KLHL36: variants seen among roughly 807,000 people sequenced by gnomAD.
KLHL36 encodes kelch like family member 36.
KLHL36 carries 35 observed loss-of-function variants against 53.3 expected under a neutral mutation model. The observed-to-expected ratio is 0.66, with a 90% CI of 0.50 to 0.87. The LOEUF is 0.87. Among genes scored for constraint, KLHL36 ranks in the 40% least tolerant of loss-of-function variants. The pLI is 0.00. For synonymous variants in KLHL36, 472 were observed against 398.9 expected, an observed-to-expected ratio of 1.18 and a Z score of -2.18; for missense variants, 864 against 897.6, an observed-to-expected ratio of 0.96 and a Z score of 0.48.
intron 3 of KLHL36, chr16:84,658,302 T>A (rs1907344947): frequency 5.3e-6 from 1 of 188,774 alleles, no homozygotes; most frequent in African/African-American, 2.3e-5. Flanking sequence ...CAATTTTATT[T>A]CACTTTAACC....
At chr16:84,651,220 G>A (rs1035555372) in intron 2 of KLHL36, among the ~76,000 whole-genome samples, 8 of 152,300 alleles carry the variant, frequency 5.3e-5, no homozygotes, top group African/African-American at 1.9e-4. Context: ...CCAAGGAGGT[G>A]GATGGGACAG....
chr16:84,649,724 A>G (rs1906721696), intron 1 of KLHL36, among the ~76,000 whole-genome samples: 1 of 152,200 alleles, frequency 6.6e-6, no homozygotes, highest in African/African-American at 2.4e-5. Context: ...CCATGGGAAC[A>G]CTGGAGTGCC....
At position 84,666,795 on chromosome 16, in the gene KLHL36, G is replaced by T. The variant is rs1065263; in HGVS notation, c.*4662G>T. ...AAGAAATTGTCCTTTGGGGCCGGGC[G>T]CAGTGGCTCACGCCTGTACTCCCAG... On this transcript the variant is annotated 3_prime_UTR_variant, in exon 5 of 5. Transcript: ENST00000564996. 18,455 of 152,104 alleles carry T rather than the reference G, an allele frequency of 0.12. 1,453 individuals carry two copies. Among genetic ancestry groups the T allele is most frequent in the East Asian group, 0.34 (1,733 of 5,164 alleles). The allele number at this position is 152,104 out of a possible 1,614,324, so 9.4% of individuals were successfully genotyped here.
rs1876493165 is a variant in KLHL36 at position 84,661,211 on chromosome 16, T to C, written c.1296-367T>C. Among the ~76,000 whole-genome samples the C allele has an allele frequency of 6.6e-6, 1 of 152,230 alleles. No homozygotes were observed. The highest frequency in any genetic ancestry group is 2.4e-5 in the African/African-American group (1 of 41,454). ...TGGACTGTATGTCGTATTTCCTCTTTGATGTGTGATTCATCGGGTGCATGT... is the reference window on the plus strand; with the variant it reads ...TGGACTGTATGTCGTATTTCCTCTTCGATGTGTGATTCATCGGGTGCATGT... On this transcript the variant is annotated intron_variant, in intron 4 of 4. Coordinates refer to ENST00000564996, the MANE Select transcript of KLHL36 (RefSeq NM_024731.4). This position sits in a 1 kb window ranked among gnomAD's most constrained non-coding sequence, Gnocchi z 7.9.
At position 84,661,750 on chromosome 16, in the gene KLHL36, A is replaced by G. The variant is rs758279823; in HGVS notation, c.1468A>G (p.Ser490Gly). The change falls in exon 5 of 5, where the codon AGC (serine) becomes GGC (glycine). Residue 490 changes from serine (S) to glycine (G), a missense_variant. By Grantham distance (56) the Ser-to-Gly change is moderately conservative (BLOSUM62 0). Transcript: ENST00000564996. This position sits in a 1 kb window ranked among gnomAD's most constrained non-coding sequence, Gnocchi z 7.9. ...TTARGWHSMC[S>G]LGDSIYSIGG... is the part of the protein sequence containing the mutation. Reference sequence around the variant, plus strand: ...GGCGCGCGGCTGGCACAGCATGTGCAGCCTGGGTGACAGCATCTACTCCAT... The same window carrying G: ...GGCGCGCGGCTGGCACAGCATGTGCGGCCTGGGTGACAGCATCTACTCCAT... 7.4e-6 allele frequency: 12 copies of G among 1,613,310 alleles called. No homozygotes were observed. The highest frequency in any genetic ancestry group is 9.3e-6 in the Non-Finnish European group (11 of 1,179,898).
chr16:84,656,827 C>A lies in KLHL36; in HGVS notation c.64-44C>A, dbSNP rs769900968. 2.0e-6 allele frequency: 3 copies of A among 1,489,944 alleles called. No individual in the cohort carries two copies. In the South Asian group the frequency reaches 3.7e-5, roughly 18 times the overall value. 92.3% of individuals were successfully genotyped at this position (1,489,944 alleles called of 1,614,324 possible). On this transcript the variant is annotated intron_variant, in intron 2 of 4. Transcript: ENST00000564996. Reference sequence around the variant, plus strand: ...AGGACCCACTGGGTTGGACCAGGGCCGAGCAGGCTGCTGCGCCGTTTCTAA... The same window carrying A: ...AGGACCCACTGGGTTGGACCAGGGCAGAGCAGGCTGCTGCGCCGTTTCTAA...
intron 2 of KLHL36, among the ~76,000 whole-genome samples, chr16:84,654,539 C>G (rs1907088739): frequency 6.6e-6 from 1 of 152,228 alleles, no homozygotes; most frequent in Non-Finnish European, 1.5e-5. Flanking sequence ...GTAGTCCCAG[C>G]TGCCAAGGAA....
rs558940373 is a variant in KLHL36, at chr16:84,656,891, C to T, written c.84C>T (p.His28=). 1.2e-6 allele frequency: 2 copies of T among 1,611,244 alleles called. No homozygotes were observed. The highest frequency in any genetic ancestry group is 1.7e-5 in the Admixed American group (1 of 59,982). ...ESSKVYRWAD[H]SSTVLQRLNE... is the part of the protein sequence containing the mutation. Reference sequence around the variant, plus strand: ...TCCAGGTATACCGCTGGGCCGACCACTCAAGCACGGTGCTGCAGCGGCTGA... The same window carrying T: ...TCCAGGTATACCGCTGGGCCGACCATTCAAGCACGGTGCTGCAGCGGCTGA... Residue 28 remains histidine (H), a synonymous_variant, in exon 3 of 5, where the codon CAC becomes CAT. Coordinates refer to ENST00000564996, the MANE Select transcript of KLHL36 (RefSeq NM_024731.4).
At chr16:84,649,662 T>C (rs1448836151) in intron 1 of KLHL36, among the ~76,000 whole-genome samples, 1 of 152,232 alleles carries the variant, frequency 6.6e-6, no homozygotes, top group Non-Finnish European at 1.5e-5. Context: ...CAGTTGCCCC[T>C]TCTCTCCCTA....
chr16:84,660,189 G>A (rs1419316578), intron 4 of KLHL36, among the ~76,000 whole-genome samples: 1 of 152,266 alleles, frequency 6.6e-6, no homozygotes. Flanking sequence ...GCTTCAGAGG[G>A]TGAGGCCTGA....
intron 2 of KLHL36, among the ~76,000 whole-genome samples, chr16:84,654,258 A>G (rs1242214579): frequency 6.6e-6 from 1 of 152,184 alleles, no homozygotes; most frequent in Non-Finnish European, 1.5e-5. Context: ...TGACTTGATC[A>G]CCGCCACTGT....
rs777399184 is a variant in KLHL36 at position 84,657,727 on chromosome 16, G to A, written c.920G>A (p.Arg307Gln). The part of the protein sequence containing the change: ...LLFVGGEVSE[R>Q]CLELSDDTCY... Reference sequence around the variant, plus strand: ...TTTGTGGGCGGCGAGGTCTCCGAGCGGTGTCTGGAGCTCAGTGACGACACC... The same window carrying A: ...TTTGTGGGCGGCGAGGTCTCCGAGCAGTGTCTGGAGCTCAGTGACGACACC... The change falls in exon 3 of 5, where the codon CGG (arginine) becomes CAG (glutamine). Residue 307 changes from arginine to glutamine, a missense_variant. By Grantham distance (43) the Arg-to-Gln change is conservative (BLOSUM62 1). Coordinates refer to ENST00000564996, the MANE Select transcript of KLHL36 (RefSeq NM_024731.4). 4.5e-5 allele frequency: 73 copies of A among 1,612,284 alleles called. 2 individuals carry two copies. Among genetic ancestry groups the A allele is most frequent in the Admixed American group, 2.3e-4 (14 of 59,902 alleles).
At chr16:84,653,263 C>T (rs1272525164) in intron 2 of KLHL36, among the ~76,000 whole-genome samples, 12 of 152,030 alleles carry the variant, frequency 7.9e-5, no homozygotes, top group Admixed American at 5.9e-4. Context: ...TCTTTTTCCA[C>T]GTCTAATACC....
intron 2 of KLHL36, among the ~76,000 whole-genome samples, chr16:84,656,473 T>G (rs1233072477): frequency 6.6e-6 from 1 of 151,430 alleles, no homozygotes; most frequent in African/African-American, 2.4e-5. Flanking sequence ...TTTCACCATG[T>G]TGGCCAGGCT....
At chr16:84,655,110 G>C (rs1567557328) in intron 2 of KLHL36, among the ~76,000 whole-genome samples, 2 of 152,258 alleles carry the variant, frequency 1.3e-5, no homozygotes, top group African/African-American at 4.8e-5. Flanking sequence ...GCCTGGAATG[G>C]AAGAGCGGGA....
chr16:84,649,838 A>G (rs935804514), intron 1 of KLHL36, among the ~76,000 whole-genome samples: 1 of 151,870 alleles, frequency 6.6e-6, no homozygotes, highest in Non-Finnish European at 1.5e-5. Flanking sequence ...CTTCTCATGA[A>G]CTCAAATAGC....
Position 84,665,628 on chromosome 16 carries a change from C to T in KLHL36, c.*3495C>T, listed in dbSNP as rs1404289383. Reference sequence around the variant, plus strand: ...TGTGTATTTATATTGAGTGCCCTCACTCATGATAAGGTGACTTCATGGAGA... The same window carrying T: ...TGTGTATTTATATTGAGTGCCCTCATTCATGATAAGGTGACTTCATGGAGA... On this transcript the variant is annotated 3_prime_UTR_variant, in exon 5 of 5. Coordinates refer to ENST00000564996, the MANE Select transcript of KLHL36 (RefSeq NM_024731.4). The T allele has an allele frequency of 6.6e-6, 1 of 152,200 alleles. No homozygotes were observed. Among genetic ancestry groups the T allele is most frequent in the Non-Finnish European group, 1.5e-5 (1 of 68,040 alleles). The allele number at this position is 152,200 out of a possible 1,614,324, so 9.4% of individuals were successfully genotyped here. A position where few individuals can be genotyped will look rare whatever the true frequency, so the allele number is the denominator to read the frequency against.
Position 84,659,350 on chromosome 16 carries a change from C to T in KLHL36, c.1138-410C>T, listed in dbSNP as rs149472813. 115 of 176,162 alleles carry T rather than the reference C, an allele frequency of 6.5e-4. 1 individual carries two copies. The highest frequency in any genetic ancestry group is 2.6e-3 in the Middle Eastern group (1 of 380). 10.9% of individuals were successfully genotyped at this position (176,162 alleles called of 1,614,324 possible). Reference sequence around the variant, plus strand: ...AATGCCACGTCCTGCTCTGTTAACACGGAGTGGCAGAGCAGCACTAACTTT... The same window carrying T: ...AATGCCACGTCCTGCTCTGTTAACATGGAGTGGCAGAGCAGCACTAACTTT... On this transcript the variant is annotated intron_variant, in intron 3 of 4. Transcript: ENST00000564996.
In KLHL36 at chr16:84,662,046, G is replaced by A. The variant is rs1907590992; in HGVS notation, c.1764G>A (p.Gly588=). 6.3e-7 allele frequency: 1 copy of A among 1,582,462 alleles called. No homozygotes were observed. Among genetic ancestry groups the A allele is most frequent in the Non-Finnish European group, 8.6e-7 (1 of 1,165,284 alleles). Residue 588 remains glycine, a synonymous_variant, in exon 5 of 5, where the codon GGG becomes GGA. Coordinates refer to ENST00000564996, the MANE Select transcript of KLHL36 (RefSeq NM_024731.4). ...ACCTGCCCAAGGCCATCGCTGGCGG[G>A]TCCGCCTGTGTCTGCGCCCTGGAGC... ...GVDLPKAIAG[G]SACVCALEPR... is the part of the protein sequence containing the mutation.
Sources: allele counts gnomAD v4.1 joint callset (sites outside exome capture counted in the v4.1 genomes callset), GRCh38; gene constraint gnomAD v4.1.1; non-coding constraint Gnocchi (gnomAD v3.1); transcripts MANE v1.5; gene names NCBI Gene and HGNC (gene_info 2026-07-23, HGNC 2026-07-21).